The following AGAP1 variants were observed in gnomAD, a reference collection of about 807,000 sequenced individuals.
The protein encoded by AGAP1 is arf-GAP with GTPase, ANK repeat and PH domain-containing protein 1.
A neutral mutation model predicts 105.3 loss-of-function variants in AGAP1; 29 were observed. The observed-to-expected ratio is 0.28, with a 90% CI of 0.21 to 0.38. The LOEUF (loss-of-function observed/expected upper bound fraction) is 0.38. AGAP1 is among the 10% of genes least tolerant of loss of function. The pLI is 1.00. For synonymous variants in AGAP1, 509 were observed against 485.9 expected (o/e 1.05, Z -0.63); for missense variants, 998 against 1,165.1 (o/e 0.86, Z 2.09).
intron 10 of AGAP1, among the ~76,000 whole-genome samples, chr2:235,897,891 T>A (rs2050881594): frequency 6.6e-6 from 1 of 152,222 alleles, no homozygotes; most frequent in Non-Finnish European, 1.5e-5. Flanking sequence ...GGGGCAGGGC[T>A]GGAGAGGCCT....
At chr2:235,595,630 G>A (rs1945501435) in intron 1 of AGAP1, among the ~76,000 whole-genome samples, 1 of 152,218 alleles carries the variant, frequency 6.6e-6, no homozygotes, top group South Asian at 2.1e-4. Context: ...TGGAGGGAGT[G>A]AGATGCGTAA....
rs2057498085 is a variant in AGAP1, at chr2:236,040,004, A to T, written c.1801-747A>T. On this transcript the variant is annotated intron_variant, in intron 14 of 17. Transcript: ENST00000304032. The surrounding 1 kb of genome is among the most constrained non-coding windows in gnomAD (Gnocchi z 5.6). ...CTCACACCTGTAATCTCAACACTATAGGAGGCTAAGGCAGGAGGATCACTT... is the reference window on the plus strand; with the variant it reads ...CTCACACCTGTAATCTCAACACTATTGGAGGCTAAGGCAGGAGGATCACTT... 6.6e-6 allele frequency among the ~76,000 whole-genome samples: 1 copy of T among 152,084 alleles called. No homozygotes were observed. The highest frequency in any genetic ancestry group is 6.5e-5 in the Admixed American group (1 of 15,276).
chr2:235,975,365 G>C (rs952137703), intron 13 of AGAP1, among the ~76,000 whole-genome samples: 13 of 152,080 alleles, frequency 8.5e-5, no homozygotes, highest in African/African-American at 3.1e-4. Flanking sequence ...TTGCAGGAAA[G>C]CAATACGTGG....
chr2:235,534,531 T>G (rs1943147106), intron 1 of AGAP1, among the ~76,000 whole-genome samples: 1 of 152,342 alleles, frequency 6.6e-6, no homozygotes, highest in Non-Finnish European at 1.5e-5. Flanking sequence ...GTTGGGTTGG[T>G]ATTTGTCTCC....
intron 6 of AGAP1, among the ~76,000 whole-genome samples, chr2:235,786,379 GACCTAGTC>G (rs1218571764): frequency 6.6e-6 from 1 of 152,222 alleles, no homozygotes; most frequent in Non-Finnish European, 1.5e-5. Flanking sequence ...ATAGCACAGT[GACCTAGTC>G]TAGAAAGCTC....
At position 236,062,373 on chromosome 2, in the gene AGAP1, G is replaced by T. The variant is rs2058222881; in HGVS notation, c.2114+13092G>T. Reference sequence around the variant, plus strand: ...TCCCTAGAGGAAGCCATGGCCAGAGGGGAGGGGAGGGAGGCAGAGCCAGGC... The same window carrying T: ...TCCCTAGAGGAAGCCATGGCCAGAGTGGAGGGGAGGGAGGCAGAGCCAGGC... On this transcript the variant is annotated intron_variant, in intron 16 of 17. Transcript: ENST00000304032. This position sits in a 1 kb window ranked among gnomAD's most constrained non-coding sequence, Gnocchi z 4.2. Among the ~76,000 whole-genome samples, 1 of 152,152 alleles carries T rather than the reference G, an allele frequency of 6.6e-6. No homozygotes were observed. Among genetic ancestry groups the T allele is most frequent in the Admixed American group, 6.5e-5 (1 of 15,286 alleles).
intron 1 of AGAP1, among the ~76,000 whole-genome samples, chr2:235,634,274 G>C (rs1946921345): frequency 6.6e-6 from 1 of 152,216 alleles, no homozygotes; most frequent in African/African-American, 2.4e-5. Flanking sequence ...AGTTCACTGT[G>C]TATCTCTGTG....
At chr2:235,878,142 T>C (rs2049838444) in intron 9 of AGAP1, among the ~76,000 whole-genome samples, 1 of 152,218 alleles carries the variant, frequency 6.6e-6, no homozygotes, top group Non-Finnish European at 1.5e-5. Flanking sequence ...GTGCTGCGGC[T>C]GCTGGATCCT....
At chr2:235,572,781 C>T (rs1944572291) in intron 1 of AGAP1, among the ~76,000 whole-genome samples, 1 of 152,216 alleles carries the variant, frequency 6.6e-6, no homozygotes, top group Non-Finnish European at 1.5e-5. Flanking sequence ...TTCAGCCCCA[C>T]AAAGGAGGAC....
chr2:235,891,279 G>A lies in AGAP1; in HGVS notation c.1155+7830G>A, dbSNP rs2050527819. On this transcript the variant is annotated intron_variant, in intron 10 of 17. Transcript: ENST00000304032. The surrounding 1 kb of genome is among the most constrained non-coding windows in gnomAD (Gnocchi z 4.2). ...AGACTGACACGGTCAAAGCAAGCAC[G>A]CTGGCTGATGCTGCTGCTCTGCGGT... Among the ~76,000 whole-genome samples the A allele has an allele frequency of 6.6e-6, 1 of 152,188 alleles. No homozygotes were observed. The highest frequency in any genetic ancestry group is 1.5e-5 in the Non-Finnish European group (1 of 68,024).
In AGAP1 at chr2:235,733,014, A is replaced by G. The variant is rs942605159; in HGVS notation, c.311-7949A>G. On this transcript the variant is annotated intron_variant, in intron 3 of 17. Transcript: ENST00000304032. This position sits in a 1 kb window ranked among gnomAD's most constrained non-coding sequence, Gnocchi z 5.0. ...AGATCCCAGGATTTACTGAGCATCCATGCTCTGCCATCCGTCTAGTTGGAG... is the reference window on the plus strand; with the variant it reads ...AGATCCCAGGATTTACTGAGCATCCGTGCTCTGCCATCCGTCTAGTTGGAG... Among the ~76,000 whole-genome samples the G allele has an allele frequency of 3.9e-5, 6 of 152,316 alleles. No individual in the cohort carries two copies. Among genetic ancestry groups the G allele is most frequent in the African/African-American group, 1.4e-4 (6 of 41,574 alleles).
chr2:235,508,750 G>A (rs1941944255), intron 1 of AGAP1, among the ~76,000 whole-genome samples: 1 of 152,216 alleles, frequency 6.6e-6, no homozygotes, highest in East Asian at 1.9e-4. Flanking sequence ...CACAAATTCT[G>A]TGACATTTTA....
chr2:236,011,530 C>T (rs12053257), intron 13 of AGAP1, among the ~76,000 whole-genome samples: 99,463 of 152,094 alleles, frequency 0.65, 33,937 homozygotes, highest in African/African-American at 0.85. Context: ...CTTTTGCTTA[C>T]GCAGCAAGCA....
Position 235,982,796 on chromosome 2 carries a change from A to G in AGAP1, c.1645+14173A>G, listed in dbSNP as rs977906946. Among the ~76,000 whole-genome samples the G allele has an allele frequency of 1.3e-5, 2 of 152,198 alleles. No homozygotes were observed. Among genetic ancestry groups the G allele is most frequent in the East Asian group, 1.9e-4 (1 of 5,186 alleles). On this transcript the variant is annotated intron_variant, in intron 13 of 17. Coordinates refer to ENST00000304032, the MANE Select transcript of AGAP1 (RefSeq NM_001037131.3). The surrounding 1 kb of genome is among the most constrained non-coding windows in gnomAD (Gnocchi z 4.9). Reference sequence around the variant, plus strand: ...TGGTTTTCTTTCCTTCTGGACATTCAAAGATTAATATGTTACTGTCATCAG... The same window carrying G: ...TGGTTTTCTTTCCTTCTGGACATTCGAAGATTAATATGTTACTGTCATCAG...
intron 9 of AGAP1, among the ~76,000 whole-genome samples, chr2:235,814,697 G>A (rs1958351570): frequency 6.6e-6 from 1 of 152,152 alleles, no homozygotes; most frequent in African/African-American, 2.4e-5. Flanking sequence ...GTGAGGGAAG[G>A]ACAGGGAAAT....
rs1423954833 is a variant in AGAP1 at position 235,615,335 on chromosome 2, GT to G, written c.164-93843del. 6.6e-6 allele frequency among the ~76,000 whole-genome samples: 1 copy of G among 152,156 alleles called. No individual in the cohort carries two copies. The highest frequency in any genetic ancestry group is 2.4e-5 in the African/African-American group (1 of 41,414). On this transcript the variant is annotated intron_variant, in intron 1 of 17. Transcript: ENST00000304032. This position sits in a 1 kb window ranked among gnomAD's most constrained non-coding sequence, Gnocchi z 5.0. Reference sequence around the variant, plus strand: ...TCTGCCTCGCACTGCCTTCTAATGGGTCCCACTGAGGAGCTTGCCAGTATTG... The same window carrying G: ...TCTGCCTCGCACTGCCTTCTAATGGGCCCACTGAGGAGCTTGCCAGTATTG...
At chr2:236,043,745 G>GGGGGGGC (rs5839620) in intron 15 of AGAP1, among the ~76,000 whole-genome samples, 5 of 149,150 alleles carry the variant, frequency 3.4e-5, no homozygotes, top group African/African-American at 1.3e-4. Context: ...AAGTGGGGGG[G>GGGGGGGC]GTGCTTAATT....
At chr2:236,117,663 G>A (rs1391861830) in intron 16 of AGAP1, among the ~76,000 whole-genome samples, 2 of 152,204 alleles carry the variant, frequency 1.3e-5, no homozygotes, top group Non-Finnish European at 2.9e-5. Context: ...ATGAGAGTTA[G>A]CAAATTGGAA....
rs745805784 is a variant in AGAP1 at position 235,845,422 on chromosome 2, TC to T, written c.1051-37921del. On this transcript the variant is annotated intron_variant, in intron 9 of 17. Coordinates refer to ENST00000304032, the MANE Select transcript of AGAP1 (RefSeq NM_001037131.3). The surrounding 1 kb of genome is among the most constrained non-coding windows in gnomAD (Gnocchi z 4.8). ...CAGAAAATCATATGATACCCTGAGT[TC>T]CTGAGTCAGCAAACGGAATGGGGGA... Among the ~76,000 whole-genome samples the T allele has an allele frequency of 2.0e-5, 3 of 151,988 alleles. No homozygotes were observed. Among genetic ancestry groups the T allele is most frequent in the Non-Finnish European group, 4.4e-5 (3 of 68,004 alleles).
Sources: allele counts gnomAD v4.1 joint callset (sites outside exome capture counted in the v4.1 genomes callset), GRCh38; gene constraint gnomAD v4.1.1; non-coding constraint Gnocchi (gnomAD v3.1); transcripts MANE v1.5; gene names NCBI Gene and HGNC (gene_info 2026-07-23, HGNC 2026-07-21).